CELF2: variants seen among roughly 807,000 people sequenced by gnomAD.
CELF2 encodes CUGBP Elav-like family member 2.
In CELF2, 8 loss-of-function variants were observed where a neutral mutation model predicts 62.6. The observed-to-expected ratio is 0.13, with a 90% CI of 0.07 to 0.23. CELF2 has a LOEUF of 0.23. Among genes scored for constraint, CELF2 ranks in the 10% least tolerant of loss-of-function variants. CELF2 has a pLI of 1.00. For missense variants in CELF2, 333 were observed against 671.0 expected (o/e 0.50, Z 5.56); for synonymous variants, 258 against 250.0 (o/e 1.03, Z -0.30).
intron 1 of CELF2, among the ~76,000 whole-genome samples, chr10:11,048,851 A>G (rs983689317): frequency 1.3e-4 from 20 of 152,244 alleles, no homozygotes; most frequent in African/African-American, 3.6e-4. Context: ...AGTGCATTAC[A>G]TGTAAATACT....
At chr10:10,959,237 C>T (rs943555381) in intron 2 of CELF2, among the ~76,000 whole-genome samples, 35 of 152,140 alleles carry the variant, frequency 2.3e-4, no homozygotes, top group African/African-American at 7.0e-4. Context: ...GGTGACATCG[C>T]GCCACTGCAC....
chr10:10,642,553 T>C, the CELF2 span, among the ~76,000 whole-genome samples: 8 of 152,234 alleles, frequency 5.3e-5, no homozygotes, highest in Non-Finnish European at 1.0e-4. Flanking sequence ...TTAGCTCTTT[T>C]GAAACAGAAA....
At chr10:10,547,055 C>T in the CELF2 span, among the ~76,000 whole-genome samples, 1 of 152,172 alleles carries the variant, frequency 6.6e-6, no homozygotes, top group South Asian at 2.1e-4. Context: ...TGCAGTGAGT[C>T]GAGATCACGC....
the CELF2 span, among the ~76,000 whole-genome samples, chr10:10,619,147 T>C: frequency 6.6e-6 from 1 of 152,246 alleles, no homozygotes; most frequent in Non-Finnish European, 1.5e-5. Context: ...CATTTACCTA[T>C]GCAAGCTTCA....
chr10:11,320,228 A>G (rs1185335775), intron 10 of CELF2, among the ~76,000 whole-genome samples: 1 of 152,190 alleles, frequency 6.6e-6, no homozygotes, highest in African/African-American at 2.4e-5. Flanking sequence ...AAAATGTGAC[A>G]GTCAGCCACC....
intron 2 of CELF2, among the ~76,000 whole-genome samples, chr10:10,992,360 G>A (rs891031192): frequency 5.9e-5 from 9 of 152,146 alleles, no homozygotes; most frequent in African/African-American, 2.2e-4. Context: ...CTTTTCTCAT[G>A]TCAGAGAAAA....
At chr10:10,572,685 T>A in the CELF2 span, among the ~76,000 whole-genome samples, 1 of 152,210 alleles carries the variant, frequency 6.6e-6, no homozygotes, top group Non-Finnish European at 1.5e-5. Context: ...AAGAACATGA[T>A]CTCATTCCTT....
At chr10:10,563,630 G>A in the CELF2 span, among the ~76,000 whole-genome samples, 1 of 150,262 alleles carries the variant, frequency 6.7e-6, no homozygotes, top group Non-Finnish European at 1.5e-5. Flanking sequence ...AAAAAAAAGG[G>A]CAAGGGGAAG....
chr10:10,901,557 C>T (rs189619519), intron 1 of CELF2, among the ~76,000 whole-genome samples: 15 of 152,262 alleles, frequency 9.9e-5, no homozygotes, highest in African/African-American at 3.4e-4. Context: ...CATTATAAAA[C>T]ATTTAGAAGA....
At chr10:10,527,648 G>A in the CELF2 span, among the ~76,000 whole-genome samples, 2 of 152,126 alleles carry the variant, frequency 1.3e-5, no homozygotes, top group African/African-American at 4.8e-5. Context: ...GACCTTAGAG[G>A]ATACACTGGA....
At chr10:11,043,964 C>T (rs760127543) in intron 1 of CELF2, among the ~76,000 whole-genome samples, 7 of 152,244 alleles carry the variant, frequency 4.6e-5, no homozygotes, top group African/African-American at 7.2e-5. Context: ...GGCTTCTTCG[C>T]TGTCCTGTGA....
chr10:10,563,758 A>G, the CELF2 span, among the ~76,000 whole-genome samples: 1 of 152,152 alleles, frequency 6.6e-6, no homozygotes, highest in African/African-American at 2.4e-5. Flanking sequence ...GGTCCATTCT[A>G]TGTAATGTGT....
chr10:10,799,173 G>GA (rs2054383110), intron 1 of CELF2, among the ~76,000 whole-genome samples: 1 of 152,186 alleles, frequency 6.6e-6, no homozygotes, highest in South Asian at 2.1e-4. Context: ...AACTTTCTGG[G>GA]ACTTCAGATA....
At position 11,314,061 on chromosome 10, in the gene CELF2, A is replaced by G. The variant is rs2094749194; in HGVS notation, c.977-78A>G. The G allele has an allele frequency of 2.1e-6, 3 of 1,431,514 alleles. No homozygotes were observed. The highest frequency in any genetic ancestry group is 2.9e-6 in the Non-Finnish European group (3 of 1,035,088). 88.7% of individuals were successfully genotyped at this position (1,431,514 alleles called of 1,614,324 possible). A position where few individuals can be genotyped will look rare whatever the true frequency, so the allele number is the denominator to read the frequency against. On this transcript the variant is annotated intron_variant, in intron 9 of 12. Coordinates refer to ENST00000633077, the MANE Select transcript of CELF2 (RefSeq NM_001326342.2). The surrounding 1 kb of genome is among the most constrained non-coding windows in gnomAD (Gnocchi z 5.3). ...CTCCTCAGCTCCGTCCACTGAGATG[A>G]TGACAGAAGGATTTCCAGTCTCGGC...
At chr10:10,826,675 C>T (rs2057415993) in intron 1 of CELF2, among the ~76,000 whole-genome samples, 1 of 152,108 alleles carries the variant, frequency 6.6e-6, no homozygotes, top group Non-Finnish European at 1.5e-5. Flanking sequence ...GTTCGAGATC[C>T]AGATGATGAA....
chr10:10,606,032 A>C, the CELF2 span, among the ~76,000 whole-genome samples: 1 of 152,192 alleles, frequency 6.6e-6, no homozygotes, highest in Non-Finnish European at 1.5e-5. Context: ...AACGTTGGAA[A>C]GCACTGGTGT....
chr10:11,313,895 G>A (rs547795172), intron 9 of CELF2, among the ~76,000 whole-genome samples: 9 of 152,032 alleles, frequency 5.9e-5, no homozygotes, highest in African/African-American at 2.2e-4. Flanking sequence ...CCTCCCATTC[G>A]CAGATTTCCC....
chr10:11,223,178 A>G lies in CELF2; in HGVS notation c.354+5671A>G, dbSNP rs570231915. ...GCGTGTTAGAGAGGGTGCTTGAGAA[A>G]TGGCCGTGCGATGATGGTGAGCTCT... On this transcript the variant is annotated intron_variant, in intron 3 of 12. Coordinates refer to ENST00000633077, the MANE Select transcript of CELF2 (RefSeq NM_001326342.2). The surrounding 1 kb of genome is among the most constrained non-coding windows in gnomAD (Gnocchi z 5.1). 2.4e-4 allele frequency among the ~76,000 whole-genome samples: 37 copies of G among 152,326 alleles called. No individual in the cohort carries two copies. The highest frequency in any genetic ancestry group is 8.9e-4 in the African/African-American group (37 of 41,566).
rs929298334 is a variant in CELF2, at chr10:10,828,054, TG to T, written c.53+29239del. ...AAAATAACAAGTTTTGGTACAGTGT[TG>T]GTGGGAATGTAAAACAGTGCAGTTG... is the stretch of plus-strand genomic sequence containing the variant. On this transcript the variant is annotated intron_variant, in intron 1 of 13. Coordinates refer to the CELF2 transcript ENST00000636488. Among the ~76,000 whole-genome samples, 3 of 145,324 alleles carry T rather than the reference TG, an allele frequency of 2.1e-5. No homozygotes were observed. In the Admixed American group the frequency reaches 2.1e-4, roughly 10 times the overall value.
Sources: gnomAD v4.1 joint callset for allele counts (sites outside exome capture counted in the v4.1 genomes callset) on GRCh38, gnomAD v4.1.1 for gene constraint, Gnocchi (gnomAD v3.1) non-coding constraint, MANE v1.5 for transcripts, NCBI Gene and HGNC (gene_info 2026-07-23, HGNC 2026-07-21) for gene names.